TCF12: variants seen among roughly 807,000 people sequenced by gnomAD.
TCF12 encodes transcription factor 12.
A neutral mutation model predicts 86.0 loss-of-function variants in TCF12; 45 were observed. That is an observed-to-expected ratio of 0.52 (90% CI 0.41 to 0.67). TCF12 has a LOEUF of 0.67. Among genes scored for constraint, TCF12 ranks in the 30% least tolerant of loss-of-function variants. TCF12 has a pLI of 0.00. For synonymous variants in TCF12, 330 were observed against 299.6 expected (o/e 1.10, Z -1.05); for missense variants, 881 against 859.9 (o/e 1.02, Z -0.31).
At chr15:57,232,690 G>C (rs1156868552) in intron 10 of TCF12, 22 bp from the exon 11 acceptor site, 6 of 1,603,536 alleles carry the variant, frequency 3.7e-6, no homozygotes, top group Non-Finnish European at 5.1e-6. Context: ...ATATTTAATA[G>C]ATCATATCTC....
chr15:57,277,018 C>T (rs1211505935), intron 19 of TCF12, among the ~76,000 whole-genome samples: 5 of 152,012 alleles, frequency 3.3e-5, no homozygotes, highest in Non-Finnish European at 7.4e-5. Context: ...GTTGAACAGA[C>T]TGGTCTGAAA....
At chr15:56,926,481 C>G (rs920287218) in intron 3 of TCF12, among the ~76,000 whole-genome samples, 1 of 152,036 alleles carries the variant, frequency 6.6e-6, no homozygotes, top group African/African-American at 2.4e-5. Flanking sequence ...AAGGAAAACT[C>G]AAAAATGTTG....
At chr15:57,044,327 C>T (rs925112671) in intron 3 of TCF12, among the ~76,000 whole-genome samples, 3 of 151,848 alleles carry the variant, frequency 2.0e-5, no homozygotes, top group Non-Finnish European at 2.9e-5. Context: ...TTTGGGAGGC[C>T]GAGACAGGCG....
intron 4 of TCF12, among the ~76,000 whole-genome samples, chr15:57,075,816 C>T (rs1021306979): frequency 0.013 from 641 of 49,612 alleles, 2 homozygotes; most frequent in Middle Eastern, 0.08. Context: ...CTCTCTCTCT[C>T]TCTCTCTCTC....
chr15:56,961,209 A>G (rs115956520), intron 3 of TCF12, among the ~76,000 whole-genome samples: 4,450 of 152,230 alleles, frequency 0.029, 185 homozygotes, highest in African/African-American at 0.09. Flanking sequence ...CTTTGAGCAT[A>G]ACGAAGGTGT....
intron 6 of TCF12, among the ~76,000 whole-genome samples, chr15:57,170,730 T>G (rs367596227): frequency 3.2e-5 from 1 of 31,672 alleles, no homozygotes; most frequent in Non-Finnish European, 4.3e-5. Context: ...TATTATATAT[T>G]ATATATAATA....
chr15:56,998,493 A>C (rs1292019198), intron 3 of TCF12, among the ~76,000 whole-genome samples: 1 of 151,064 alleles, frequency 6.6e-6, no homozygotes, highest in Non-Finnish European at 1.5e-5. Context: ...GAAGGAGACT[A>C]TCAACCAGAT....
intron 3 of TCF12, among the ~76,000 whole-genome samples, chr15:57,021,353 TG>T (rs2065468325): frequency 6.6e-6 from 1 of 152,142 alleles, no homozygotes; most frequent in African/African-American, 2.4e-5. Flanking sequence ...AAACTAGTGA[TG>T]GGACAGAAAA....
chr15:56,993,337 C>T (rs142796186), intron 3 of TCF12, among the ~76,000 whole-genome samples: 1 of 152,280 alleles, frequency 6.6e-6, no homozygotes, highest in African/African-American at 2.4e-5. Flanking sequence ...ATGGTCAAAA[C>T]TGAGGGATGA....
chr15:57,117,248 G>T (rs564947966), intron 5 of TCF12, among the ~76,000 whole-genome samples: 70 of 151,978 alleles, frequency 4.6e-4, no homozygotes, highest in African/African-American at 1.6e-3. Context: ...GTTTCACTAG[G>T]TTGCCCAGGT....
intron 5 of TCF12, among the ~76,000 whole-genome samples, chr15:57,114,535 C>T (rs1446208793): frequency 6.6e-6 from 1 of 152,102 alleles, no homozygotes; most frequent in East Asian, 1.9e-4. Flanking sequence ...TGGAATTAAG[C>T]ATTCCTTCCA....
chr15:57,289,956 A>C (rs573181773), downstream of TCF12: 25 of 152,136 alleles, frequency 1.6e-4, no homozygotes, highest in Non-Finnish European at 3.4e-4. Flanking sequence ...ATTCTTTTGC[A>C]GCCATCCAAT....
intron 18 of TCF12, among the ~76,000 whole-genome samples, chr15:57,270,077 G>C (rs1321365409): frequency 1.3e-5 from 2 of 152,168 alleles, no homozygotes; most frequent in Non-Finnish European, 2.9e-5. Flanking sequence ...GGTGTTCTCT[G>C]TATTTCCTGA....
At chr15:57,128,086 A>G (rs2051810655) in intron 5 of TCF12, among the ~76,000 whole-genome samples, 2 of 152,294 alleles carry the variant, frequency 1.3e-5, no homozygotes, top group South Asian at 4.1e-4. Context: ...AGTTCTGTGC[A>G]GTTGTACATA....
chr15:57,176,013 A>G (rs189500491), intron 6 of TCF12, among the ~76,000 whole-genome samples: 87 of 152,290 alleles, frequency 5.7e-4, no homozygotes, highest in Non-Finnish European at 7.8e-4. Flanking sequence ...TTTATAATAG[A>G]TTACAGTACC....
At chr15:56,933,916 T>C (rs1331297385) in intron 3 of TCF12, among the ~76,000 whole-genome samples, 2 of 151,814 alleles carry the variant, frequency 1.3e-5, no homozygotes, top group African/African-American at 2.4e-5. Flanking sequence ...TATAAATATA[T>C]ATTTCATCAG....
chr15:57,115,009 T>C (rs1487332396), intron 5 of TCF12, among the ~76,000 whole-genome samples: 3 of 152,162 alleles, frequency 2.0e-5, no homozygotes, highest in Admixed American at 2.0e-4. Context: ...ATGATAGCAG[T>C]TTTAAACAAT....
chr15:57,134,794 T>C (rs970906773), intron 5 of TCF12, among the ~76,000 whole-genome samples: 11 of 152,076 alleles, frequency 7.2e-5, no homozygotes, highest in African/African-American at 1.9e-4. Flanking sequence ...GCCCAGTGGA[T>C]CACTGTCAAG....
chr15:56,934,918 G>A (rs2060402317), intron 3 of TCF12, among the ~76,000 whole-genome samples: 1 of 152,146 alleles, frequency 6.6e-6, no homozygotes, highest in African/African-American at 2.4e-5. Context: ...TGACAGTTGC[G>A]TGACTGGACT....
Sources: allele counts gnomAD v4.1 joint callset (sites outside exome capture counted in the v4.1 genomes callset), GRCh38; gene constraint gnomAD v4.1.1; transcripts MANE v1.5; gene names NCBI Gene and HGNC (gene_info 2026-07-23, HGNC 2026-07-21).